DAB2IP: variants seen among roughly 807,000 people sequenced by gnomAD.
The protein encoded by DAB2IP is DAB2 interacting protein, also known as disabled homolog 2-interacting protein.
Under a neutral mutation model 107.2 loss-of-function variants are expected in DAB2IP, and 28 were observed. The ratio of observed to expected loss-of-function variants is 0.26; its 90% CI spans 0.19 to 0.36. The LOEUF (loss-of-function observed/expected upper bound fraction) is 0.36. Among genes scored for constraint, DAB2IP ranks in the 10% least tolerant of loss-of-function variants. The pLI, the probability that DAB2IP is intolerant of heterozygous loss-of-function variation, is 1.00. For synonymous variants in DAB2IP, 755 were observed against 706.4 expected, an observed-to-expected ratio of 1.07 and a Z score of -1.09; for missense variants, 1,400 against 1,644.7, an observed-to-expected ratio of 0.85 and a Z score of 2.57.
chr9:121,783,388 C>A (rs1835794538), exon 16 of DAB2IP: 2 of 1,556,822 alleles, frequency 1.3e-6, no homozygotes, highest in East Asian at 2.3e-5. Flanking sequence ...CCAGCACACC[C>A]AGGGCACAGT....
chr9:121,584,308 G>A (rs1024401490), intron 1 of DAB2IP, among the ~76,000 whole-genome samples: 3 of 151,858 alleles, frequency 2.0e-5, no homozygotes, highest in African/African-American at 7.3e-5. Context: ...TTAAATGACG[G>A]TTCTGGATCA....
At chr9:121,665,067 A>G (rs1833363052) in intron 1 of DAB2IP, among the ~76,000 whole-genome samples, 1 of 152,274 alleles carries the variant, frequency 6.6e-6, no homozygotes, top group Non-Finnish European at 1.5e-5. Flanking sequence ...GTTGTCAAAT[A>G]CAGAAAGGTA....
intron 3 of DAB2IP, among the ~76,000 whole-genome samples, chr9:121,730,563 T>C (rs1220945848): frequency 6.6e-6 from 1 of 152,208 alleles, no homozygotes; most frequent in Non-Finnish European, 1.5e-5. Context: ...GCTCCGTAAC[T>C]GTGTGGTCAG....
At chr9:121,580,133 C>T (rs899605409) in intron 1 of DAB2IP, among the ~76,000 whole-genome samples, 2 of 152,180 alleles carry the variant, frequency 1.3e-5, no homozygotes. Flanking sequence ...GGGGCAGCTG[C>T]TGGAATTGGA....
At chr9:121,749,258 G>C (rs1249004374) in intron 3 of DAB2IP, among the ~76,000 whole-genome samples, 1 of 152,248 alleles carries the variant, frequency 6.6e-6, no homozygotes, top group East Asian at 1.9e-4. Flanking sequence ...GCAGGGCGCT[G>C]CCCTGTTTAT....
intron 1 of DAB2IP, among the ~76,000 whole-genome samples, chr9:121,671,073 C>T (rs1589487427): frequency 6.6e-6 from 1 of 152,184 alleles, no homozygotes; most frequent in South Asian, 2.1e-4. Context: ...ACCGCTTGAA[C>T]CTGGGAGGTG....
chr9:121,764,027 G>C, intron 8 of DAB2IP, 148 bp downstream of exon 8: 3 of 1,109,078 alleles, frequency 2.7e-6, no homozygotes, highest in Non-Finnish European at 3.8e-6. Flanking sequence ...GAGCTCTCAG[G>C]TGGGGCAGCG....
intron 1 of DAB2IP, among the ~76,000 whole-genome samples, chr9:121,571,376 T>C (rs1008775501): frequency 6.6e-6 from 1 of 152,066 alleles, no homozygotes; most frequent in African/African-American, 2.4e-5. Context: ...ACAAATGCAG[T>C]TGGTGCAGGC....
chr9:121,596,945 T>C (rs1435543852), intron 1 of DAB2IP, among the ~76,000 whole-genome samples: 19 of 152,194 alleles, frequency 1.2e-4, no homozygotes, highest in Admixed American at 1.2e-3. Context: ...GGCACTTTAC[T>C]GGGATTTTGT....
At chr9:121,754,377 G>A (rs770076497) in intron 3 of DAB2IP, among the ~76,000 whole-genome samples, 1 of 152,204 alleles carries the variant, frequency 6.6e-6, no homozygotes, top group Non-Finnish European at 1.5e-5. Context: ...CCCGCTTGCT[G>A]TACTATCCAG....
intron 1 of DAB2IP, among the ~76,000 whole-genome samples, chr9:121,638,494 T>C (rs1318814890): frequency 6.6e-6 from 1 of 151,930 alleles, no homozygotes; most frequent in Admixed American, 6.6e-5. Flanking sequence ...AGAGAGAGTG[T>C]TGCAGGAGGG....
At chr9:121,644,495 G>T (rs572267611) in intron 1 of DAB2IP, among the ~76,000 whole-genome samples, 1 of 152,248 alleles carries the variant, frequency 6.6e-6, no homozygotes, top group East Asian at 1.9e-4. Context: ...TACTCAAGAG[G>T]CTGAGGCAGG....
At chr9:121,733,772 A>G (rs1355041312) in intron 3 of DAB2IP, among the ~76,000 whole-genome samples, 1 of 152,150 alleles carries the variant, frequency 6.6e-6, no homozygotes, top group Non-Finnish European at 1.5e-5. Flanking sequence ...GAAAATTAGA[A>G]ATGGGGGCAG....
chr9:121,773,393 G>A (rs767427292), exon 12 of DAB2IP: 32 of 1,594,688 alleles, frequency 2.0e-5, no homozygotes, highest in Admixed American at 6.9e-5. Flanking sequence ...CCCTGGCGTC[G>A]GCCTCACCTG....
chr9:121,779,851 C>T (rs1835471578), intron 14 of DAB2IP, among the ~76,000 whole-genome samples: 1 of 152,192 alleles, frequency 6.6e-6, no homozygotes, highest in Non-Finnish European at 1.5e-5. Context: ...CTGCCTCTTG[C>T]TCCTCTCTGG....
intron 3 of DAB2IP, among the ~76,000 whole-genome samples, chr9:121,719,191 G>C (rs1205557691): frequency 6.6e-6 from 1 of 152,194 alleles, no homozygotes; most frequent in African/African-American, 2.4e-5. Flanking sequence ...AGAAGTCATA[G>C]TGATCCCTTT....
In DAB2IP at chr9:121,776,138, G is replaced by A; in HGVS notation, c.3121-60G>A. 1.9e-6 allele frequency: 3 copies of A among 1,541,542 alleles called. No homozygotes were observed. The East Asian group carries it at 7.3e-5, about 38-fold the overall frequency. On this transcript the variant is annotated intron_variant, in intron 13 of 15. Transcript: ENST00000408936. The surrounding 1 kb of genome is among the most constrained non-coding windows in gnomAD (Gnocchi z 5.4). ...TCCTACCCTTCCTCCCACTCGGGCT[G>A]ACGAAGCTGTGCTCTCTGTGTCCTG...
chr9:121,585,472 G>T (rs948101105), intron 1 of DAB2IP, among the ~76,000 whole-genome samples: 1 of 152,334 alleles, frequency 6.6e-6, no homozygotes, highest in Admixed American at 6.5e-5. Flanking sequence ...GAACAGGGCT[G>T]CACGAGGGTT....
At chr9:121,778,059 A>G (rs995257084) in intron 14 of DAB2IP, among the ~76,000 whole-genome samples, 11 of 152,210 alleles carry the variant, frequency 7.2e-5, no homozygotes, top group African/African-American at 2.7e-4. Flanking sequence ...TAATTTATAA[A>G]CAACAGAATA....
Sources: allele counts gnomAD v4.1 joint callset (sites outside exome capture counted in the v4.1 genomes callset), GRCh38; gene constraint gnomAD v4.1.1; non-coding constraint Gnocchi (gnomAD v3.1); transcripts MANE v1.5; gene names NCBI Gene and HGNC (gene_info 2026-07-23, HGNC 2026-07-21).